SYN3: variants seen among roughly 807,000 people sequenced by gnomAD.
SYN3 encodes the protein synapsin III, also known as synapsin-3.
SYN3 carries 35 observed loss-of-function variants against 65.8 expected under a neutral mutation model. The observed-to-expected ratio is 0.53, with a 90% CI of 0.41 to 0.70. The LOEUF is 0.70. Among genes scored for constraint, SYN3 ranks in the 30% least tolerant of loss-of-function variants. The pLI is 0.00. For synonymous variants in SYN3, 270 were observed against 292.9 expected, an observed-to-expected ratio of 0.92 and a Z score of 0.80; for missense variants, 680 against 749.0, an observed-to-expected ratio of 0.91 and a Z score of 1.08.
At chr22:32,747,010 C>A (rs2044953724) in intron 6 of SYN3, among the ~76,000 whole-genome samples, 1 of 152,162 alleles carries the variant, frequency 6.6e-6, no homozygotes, top group Non-Finnish European at 1.5e-5. Flanking sequence ...GAGGTAGACT[C>A]CCTGGCTGGA....
At chr22:32,586,875 AT>A (rs1359512382) in intron 7 of SYN3, among the ~76,000 whole-genome samples, 1 of 152,140 alleles carries the variant, frequency 6.6e-6, no homozygotes, top group African/African-American at 2.4e-5. Context: ...TAAAGTCTTC[AT>A]TAAGGTGTAG....
chr22:32,848,257 T>A (rs530725284), intron 6 of SYN3, among the ~76,000 whole-genome samples: 2 of 152,380 alleles, frequency 1.3e-5, no homozygotes, highest in East Asian at 3.9e-4. Flanking sequence ...TTTGTATTCA[T>A]AGTTAACTAG....
chr22:32,589,364 G>A (rs1232412501), intron 7 of SYN3, among the ~76,000 whole-genome samples: 1 of 152,204 alleles, frequency 6.6e-6, no homozygotes, highest in Non-Finnish European at 1.5e-5. Context: ...CCTCCATGGT[G>A]TCTTAATTGG....
chr22:32,830,147 G>A (rs764391817), intron 6 of SYN3, among the ~76,000 whole-genome samples: 2 of 152,144 alleles, frequency 1.3e-5, no homozygotes, highest in Non-Finnish European at 2.9e-5. Flanking sequence ...CTAGTACTTT[G>A]CATTTTCTTT....
intron 6 of SYN3, among the ~76,000 whole-genome samples, chr22:32,845,135 A>C (rs1001456926): frequency 6.6e-6 from 1 of 151,916 alleles, no homozygotes; most frequent in African/African-American, 2.4e-5. Flanking sequence ...TGAGATTCAC[A>C]CTGAGCCTCA....
chr22:32,863,427 C>A (rs2048603027), intron 6 of SYN3, among the ~76,000 whole-genome samples: 1 of 152,200 alleles, frequency 6.6e-6, no homozygotes, highest in African/African-American at 2.4e-5. Flanking sequence ...AAACAGCAGT[C>A]CTTGATGTCA....
At chr22:32,706,330 T>C (rs939706454) in intron 6 of SYN3, among the ~76,000 whole-genome samples, 1 of 152,136 alleles carries the variant, frequency 6.6e-6, no homozygotes, top group East Asian at 1.9e-4. Flanking sequence ...AGCGACACCA[T>C]AAGTACAGAG....
chr22:32,601,247 C>T (rs187939437), intron 6 of SYN3, among the ~76,000 whole-genome samples: 3 of 151,044 alleles, frequency 2.0e-5, no homozygotes, highest in African/African-American at 7.4e-5. Flanking sequence ...TTTCCTGATA[C>T]TAGGGGAAAT....
chr22:32,713,445 G>A (rs1049397022), intron 6 of SYN3, among the ~76,000 whole-genome samples: 1 of 152,220 alleles, frequency 6.6e-6, no homozygotes, highest in Non-Finnish European at 1.5e-5. Flanking sequence ...GCATATTGCT[G>A]AAGATCATGT....
chr22:33,006,510 G>T lies in SYN3; in HGVS notation c.153C>A (p.Ser51=). 6.2e-7 allele frequency: 1 copy of T among 1,614,230 alleles called. No homozygotes were observed. The highest frequency in any genetic ancestry group is 1.1e-5 in the South Asian group (1 of 91,088). The part of the protein sequence containing the change: ...ERRHPQPLAA[S]FSSPGSSLFS... ...AAAGGCTGGATCCTGGAGAGGAGAA[G>T]GAGGCAGCCAGGGGCTGGGGGTGCC... Residue 51 remains serine, a synonymous_variant, in exon 2 of 14, where the codon TCC becomes TCA. Coordinates refer to ENST00000358763, the MANE Select transcript of SYN3 (RefSeq NM_003490.4).
At chr22:32,553,713 G>A (rs1296207584) in intron 7 of SYN3, among the ~76,000 whole-genome samples, 1 of 152,130 alleles carries the variant, frequency 6.6e-6, no homozygotes, top group Non-Finnish European at 1.5e-5. Context: ...CTGGCCTTTT[G>A]GTAGATAGGT....
At chr22:32,752,815 G>A (rs2045171101) in intron 6 of SYN3, among the ~76,000 whole-genome samples, 1 of 152,224 alleles carries the variant, frequency 6.6e-6, no homozygotes, top group Non-Finnish European at 1.5e-5. Flanking sequence ...GAAGTGCAGA[G>A]TGGTGAATGC....
chr22:32,647,250 A>G (rs1304932154), intron 6 of SYN3, among the ~76,000 whole-genome samples: 1 of 152,086 alleles, frequency 6.6e-6, no homozygotes, highest in Non-Finnish European at 1.5e-5. Context: ...GATCTCCAGA[A>G]GGCCTCTTGG....
chr22:32,647,514 A>C (rs182803735), intron 6 of SYN3, among the ~76,000 whole-genome samples: 40 of 148,776 alleles, frequency 2.7e-4, no homozygotes, highest in African/African-American at 8.5e-4. Context: ...CGGTATGATC[A>C]TGGCTCACTG....
intron 1 of SYN3, chr22:33,015,145 C>T (rs552134667): frequency 3.4e-5 from 6 of 174,714 alleles, no homozygotes; most frequent in Non-Finnish European, 6.8e-5. Context: ...GGAGTGAACC[C>T]GGGGGGCGGA....
At chr22:32,800,499 T>G (rs1403630479) in intron 6 of SYN3, among the ~76,000 whole-genome samples, 1 of 152,138 alleles carries the variant, frequency 6.6e-6, no homozygotes, top group Non-Finnish European at 1.5e-5. Context: ...CCACAAAGAT[T>G]ATTGTGAGAG....
rs944475748 is a variant in SYN3 at position 32,837,755 on chromosome 22, C to A, written c.711+27160G>T. Among the ~76,000 whole-genome samples the A allele has an allele frequency of 2.6e-5, 4 of 152,046 alleles. No individual in the cohort carries two copies. Among genetic ancestry groups the A allele is most frequent in the African/African-American group, 9.7e-5 (4 of 41,392 alleles). On this transcript the variant is annotated intron_variant, in intron 6 of 13. Transcript: ENST00000358763. This position sits in a 1 kb window ranked among gnomAD's most constrained non-coding sequence, Gnocchi z 4.1. Reference sequence around the variant, plus strand: ...CAGAGTGATAAGTCTTTATCACTAGCCTCAGGGAGTAGAAGCCCACCTAAG... The same window carrying A: ...CAGAGTGATAAGTCTTTATCACTAGACTCAGGGAGTAGAAGCCCACCTAAG...
intron 6 of SYN3, among the ~76,000 whole-genome samples, chr22:32,726,721 T>C (rs1012544330): frequency 6.6e-6 from 1 of 152,178 alleles, no homozygotes; most frequent in Non-Finnish European, 1.5e-5. Flanking sequence ...GGTCTCTTTG[T>C]CTGCATTACA....
At position 32,537,448 on chromosome 22, in the gene SYN3, C is replaced by T. The variant is rs372155984; in HGVS notation, c.992+588G>A. ...TGCTGGGATTACAGGTGTGAGCCAC[C>T]GCACCCGGCCGGCACTTCCTTAAGT... On this transcript the variant is annotated intron_variant, in intron 9 of 13. Coordinates refer to ENST00000358763, the MANE Select transcript of SYN3 (RefSeq NM_003490.4). Among the ~76,000 whole-genome samples the T allele has an allele frequency of 3.1e-4, 47 of 152,090 alleles. 1 individual carries two copies. The highest frequency in any genetic ancestry group is 1.0e-3 in the African/African-American group (43 of 41,410).
Sources: gnomAD v4.1 joint callset for allele counts (sites outside exome capture counted in the v4.1 genomes callset) on GRCh38, gnomAD v4.1.1 for gene constraint, Gnocchi (gnomAD v3.1) non-coding constraint, MANE v1.5 for transcripts, NCBI Gene and HGNC (gene_info 2026-07-23, HGNC 2026-07-21) for gene names.